Variants in CA10 observed in about 807,000 individuals in gnomAD.
The protein encoded by CA10 is carbonic anhydrase-related protein 10.
CA10 carries 14 observed loss-of-function variants against 44.2 expected under a neutral mutation model. That is an observed-to-expected ratio of 0.32 (90% CI 0.21 to 0.50). The LOEUF (loss-of-function observed/expected upper bound fraction) is 0.50. Ranked by LOEUF, CA10 falls within the 20% of genes least tolerant of loss-of-function variation. CA10 has a pLI of 0.99. For missense variants in CA10, 350 were observed against 409.7 expected (o/e 0.85, Z 1.26); for synonymous variants, 159 against 141.6 (o/e 1.12, Z -0.87).
intron 3 of CA10, among the ~76,000 whole-genome samples, chr17:51,863,529 T>A (rs1414287224): frequency 3.3e-5 from 5 of 152,194 alleles, no homozygotes; most frequent in African/African-American, 9.7e-5. Flanking sequence ...CCACCTGGAG[T>A]TAGTCCCAGC....
At chr17:52,019,573 T>C (rs1986072926) in intron 2 of CA10, among the ~76,000 whole-genome samples, 1 of 152,078 alleles carries the variant, frequency 6.6e-6, no homozygotes, top group South Asian at 2.1e-4. Context: ...TTTTACTATG[T>C]TTAAATTGAT....
At chr17:52,148,326 A>G (rs1989632608) in intron 1 of CA10, among the ~76,000 whole-genome samples, 1 of 152,230 alleles carries the variant, frequency 6.6e-6, no homozygotes, top group South Asian at 2.1e-4. Context: ...CAGAGATGAC[A>G]TGGAGAAAAG....
chr17:51,811,411 G>A (rs1185839310), intron 3 of CA10, among the ~76,000 whole-genome samples: 1 of 152,078 alleles, frequency 6.6e-6, no homozygotes, highest in African/African-American at 2.4e-5. Context: ...TTTACATTAG[G>A]TATTTCTCCT....
intron 2 of CA10, among the ~76,000 whole-genome samples, chr17:52,028,797 A>C (rs1986376848): frequency 6.6e-6 from 1 of 152,306 alleles, no homozygotes; most frequent in Non-Finnish European, 1.5e-5. Context: ...AACCCACAAA[A>C]TTGTTGACTC....
At chr17:51,712,221 G>T (rs760896465) in intron 4 of CA10, among the ~76,000 whole-genome samples, 2 of 152,106 alleles carry the variant, frequency 1.3e-5, no homozygotes, top group African/African-American at 4.8e-5. Flanking sequence ...CCCTTTCTAC[G>T]CATTTCACAA....
chr17:51,819,631 G>A (rs1907688787), intron 3 of CA10, among the ~76,000 whole-genome samples: 1 of 152,188 alleles, frequency 6.6e-6, no homozygotes, highest in African/African-American at 2.4e-5. Flanking sequence ...TAGCAGATTT[G>A]CAGCCTAAAA....
intron 1 of CA10, among the ~76,000 whole-genome samples, chr17:52,116,401 A>G (rs145245701): frequency 6.6e-5 from 10 of 152,122 alleles, no homozygotes; most frequent in Admixed American, 1.3e-4. Context: ...TTTTGCCCCA[A>G]ACTCCATTCC....
intron 2 of CA10, among the ~76,000 whole-genome samples, chr17:51,986,124 C>T (rs1424892473): frequency 6.6e-6 from 1 of 151,872 alleles, no homozygotes; most frequent in Non-Finnish European, 1.5e-5. Flanking sequence ...AGGCAACAGT[C>T]AACAAAACAA....
chr17:51,777,690 T>G (rs972022800), intron 3 of CA10, among the ~76,000 whole-genome samples: 1 of 152,188 alleles, frequency 6.6e-6, no homozygotes, highest in African/African-American at 2.4e-5. Flanking sequence ...ACGCCTGTAA[T>G]CCCAGCACTT....
rs113833205 is a variant in CA10 at position 51,764,863 on chromosome 17, G to A, written c.280-17045C>T. On this transcript the variant is annotated intron_variant, in intron 3 of 8. Transcript: ENST00000451037. ...AGAGGCCACAGAGAGGGAAATAAAC[G>A]TCTCCTTAACATCCCCATTCTCATT... Among the ~76,000 whole-genome samples the A allele has an allele frequency of 1.1e-3, 165 of 152,250 alleles. 2 individuals are homozygous for A. The highest frequency in any genetic ancestry group is 3.8e-3 in the African/African-American group (156 of 41,558).
At chr17:51,940,632 A>G (rs1466700780) in intron 2 of CA10, among the ~76,000 whole-genome samples, 1 of 151,782 alleles carries the variant, frequency 6.6e-6, no homozygotes, top group African/African-American at 2.4e-5. Flanking sequence ...ACCAGTCTTA[A>G]TGGAATCTGA....
intron 2 of CA10, among the ~76,000 whole-genome samples, chr17:52,059,803 T>C (rs1006393782): frequency 3.9e-5 from 6 of 152,100 alleles, no homozygotes; most frequent in African/African-American, 1.4e-4. Flanking sequence ...AAAATGCAAG[T>C]TTTATTCTTA....
rs1341443658 is a variant in CA10, at chr17:51,802,853, C to T, written c.280-55035G>A. Among the ~76,000 whole-genome samples, 4 of 152,176 alleles carry T rather than the reference C, an allele frequency of 2.6e-5. No homozygotes were observed. In the South Asian group the frequency reaches 8.3e-4, roughly 32 times the overall value. On this transcript the variant is annotated intron_variant, in intron 3 of 8. Coordinates refer to ENST00000451037, the MANE Select transcript of CA10 (RefSeq NM_020178.5). ...CTGTACCTACTTCCAAGGAGTCAAG[C>T]TCTATCTGCTTCCAGGCTCTGCTGA... is the stretch of plus-strand genomic sequence containing the variant.
At chr17:51,901,333 G>A (rs907679717) in intron 3 of CA10, among the ~76,000 whole-genome samples, 24 of 152,086 alleles carry the variant, frequency 1.6e-4, no homozygotes, top group Non-Finnish European at 2.8e-4. Context: ...TGGGGGCCTG[G>A]TACCCAGCCC....
At chr17:51,962,423 C>T (rs1983926467) in intron 2 of CA10, among the ~76,000 whole-genome samples, 1 of 152,206 alleles carries the variant, frequency 6.6e-6, no homozygotes, top group African/African-American at 2.4e-5. Context: ...ATCTGGGTCC[C>T]CAAACCCCTC....
intron 3 of CA10, among the ~76,000 whole-genome samples, chr17:51,850,615 G>T (rs1402531197): frequency 6.6e-6 from 1 of 152,204 alleles, no homozygotes; most frequent in African/African-American, 2.4e-5. Context: ...TGGGAGGACC[G>T]ACAGGCAAGC....
chr17:51,732,415 G>C (rs955530148), intron 4 of CA10, among the ~76,000 whole-genome samples: 4 of 152,204 alleles, frequency 2.6e-5, no homozygotes, highest in African/African-American at 9.7e-5. Context: ...TTATGTTCAT[G>C]CTTCTCTTTC....
intron 2 of CA10, among the ~76,000 whole-genome samples, chr17:51,969,161 T>A (rs1292256527): frequency 6.6e-6 from 1 of 151,954 alleles, no homozygotes; most frequent in Non-Finnish European, 1.5e-5. Context: ...TTGAGCTTCA[T>A]CTCCTGCCTA....
chr17:51,674,157 G>T (rs1914533234), intron 4 of CA10, among the ~76,000 whole-genome samples: 2 of 152,108 alleles, frequency 1.3e-5, no homozygotes, highest in African/African-American at 4.8e-5. Flanking sequence ...TAAAATGAGA[G>T]CTGCTTGAGG....
Sources: allele counts gnomAD v4.1 joint callset (sites outside exome capture counted in the v4.1 genomes callset), GRCh38; gene constraint gnomAD v4.1.1; transcripts MANE v1.5; gene names NCBI Gene and HGNC (gene_info 2026-07-23, HGNC 2026-07-21).